TANC2: variants seen among roughly 807,000 people sequenced by gnomAD.
TANC2 encodes the protein protein TANC2.
TANC2 carries 26 observed loss-of-function variants against 210.5 expected under a neutral mutation model. The ratio of observed to expected loss-of-function variants is 0.12; its 90% confidence interval spans 0.09 to 0.17. The LOEUF (loss-of-function observed/expected upper bound fraction) is 0.17. TANC2 is among the 10% of genes least tolerant of loss of function. The pLI, the probability that TANC2 is intolerant of heterozygous loss-of-function variation, is 1.00. For synonymous variants in TANC2, 931 were observed against 967.1 expected (o/e 0.96, Z 0.69); for missense variants, 2,129 against 2,608.9 (o/e 0.82, Z 4.01).
intron 1 of TANC2, among the ~76,000 whole-genome samples, chr17:62,973,150 C>G (rs1395372524): frequency 6.6e-6 from 1 of 152,056 alleles, no homozygotes; most frequent in African/African-American, 2.4e-5. Context: ...CTGCCTCAGC[C>G]TCCTGAGTAG....
rs371281397 is a variant in TANC2 at position 63,063,674 on chromosome 17, T to TTGTGTGTGTGTGTGTGTGTG, written c.68-10263_68-10244dup. ...CAATATCACACTTTGTTACCCAGTA[T>TTGTGTGTGTGTGTGTGTGTG]TGTGTGTGTGTGTGTGTGTGTGTGT... On this transcript the variant is annotated intron_variant, in intron 2 of 27. Transcript: ENST00000689528. 3.5e-3 allele frequency among the ~76,000 whole-genome samples: 487 copies of TTGTGTGTGTGTGTGTGTGTG among 137,486 alleles called. 3 individuals are homozygous for TTGTGTGTGTGTGTGTGTGTG. The highest frequency in any genetic ancestry group is 0.015 in the South Asian group (61 of 4,194). 90.2% of individuals were successfully genotyped at this position (137,486 alleles called of 152,430 possible).
At chr17:63,398,011 G>A (rs560218823) in intron 18 of TANC2, among the ~76,000 whole-genome samples, 23 of 152,290 alleles carry the variant, frequency 1.5e-4, no homozygotes, top group African/African-American at 4.3e-4. Flanking sequence ...ATCTGTGGGA[G>A]GTTTTTGAAC....
chr17:63,216,897 A>T (rs1181154131), intron 7 of TANC2, among the ~76,000 whole-genome samples: 1 of 152,254 alleles, frequency 6.6e-6, no homozygotes, highest in Non-Finnish European at 1.5e-5. Context: ...CCACAGCATG[A>T]TTAAACTAGA....
At chr17:63,147,178 A>G (rs1461490625) in intron 4 of TANC2, among the ~76,000 whole-genome samples, 1 of 149,716 alleles carries the variant, frequency 6.7e-6, no homozygotes, top group African/African-American at 2.5e-5. Flanking sequence ...ACCAAAAAAA[A>G]AAGAAATAAC....
chr17:63,109,100 A>T (rs1380171663), intron 4 of TANC2, among the ~76,000 whole-genome samples: 1 of 151,666 alleles, frequency 6.6e-6, no homozygotes, highest in East Asian at 1.9e-4. Context: ...GTGGTACTCT[A>T]TGGAAAAGTC....
chr17:63,401,909 C>T (rs1307031452), intron 19 of TANC2, among the ~76,000 whole-genome samples: 1 of 152,180 alleles, frequency 6.6e-6, no homozygotes, highest in Non-Finnish European at 1.5e-5. Flanking sequence ...TCATCATTTG[C>T]CTAGATTATT....
intron 15 of TANC2, chr17:63,388,121 G>A (rs1000513431): frequency 6.6e-6 from 1 of 152,586 alleles, no homozygotes; most frequent in African/African-American, 2.4e-5. Flanking sequence ...AAAGTGTAGA[G>A]AAATATGCAG....
At chr17:63,106,240 A>G (rs2037818558) in intron 4 of TANC2, among the ~76,000 whole-genome samples, 1 of 151,742 alleles carries the variant, frequency 6.6e-6, no homozygotes, top group Non-Finnish European at 1.5e-5. Flanking sequence ...AATAATTTCA[A>G]TTATCATGAG....
At chr17:63,419,888 T>G in intron 27 of TANC2, 111 bp from the exon 28 acceptor site, 1 of 1,280,906 alleles carries the variant, frequency 7.8e-7, no homozygotes, top group Non-Finnish European at 1.0e-6. Flanking sequence ...TACCCCAGAC[T>G]CCCACAGACG....
chr17:63,370,645 T>TGAA (rs1317077379), intron 14 of TANC2, among the ~76,000 whole-genome samples: 1 of 152,226 alleles, frequency 6.6e-6, no homozygotes, highest in Non-Finnish European at 1.5e-5. Context: ...TTCACTCACA[T>TGAA]GAAGTCCAAA....
intron 17 of TANC2, chr17:63,390,742 A>C (rs763490480): frequency 6.6e-6 from 1 of 152,212 alleles, no homozygotes; most frequent in Non-Finnish European, 1.5e-5. Flanking sequence ...TAGGATTACA[A>C]GCATGAGCCA....
rs200427587 is a variant in TANC2, at chr17:63,007,750, A to C, written c.-23-1787A>C. On this transcript the variant is annotated intron_variant, in intron 1 of 27. Coordinates refer to ENST00000689528, the Ensembl canonical transcript of TANC2. ...TTTTTTATTGTTGTCATGCATTTTA[A>C]ATCTATATATTTTAAAGAACAGCCT... is the stretch of plus-strand genomic sequence containing the variant. Among the ~76,000 whole-genome samples, 5 of 152,042 alleles carry C rather than the reference A, an allele frequency of 3.3e-5. No homozygotes were observed. In the East Asian group the frequency reaches 9.6e-4, roughly 29 times the overall value.
At chr17:63,185,832 TTTAATTGGATTGTCTTTC>T (rs781636767) in intron 5 of TANC2, among the ~76,000 whole-genome samples, 9 of 152,240 alleles carry the variant, frequency 5.9e-5, no homozygotes, top group Non-Finnish European at 1.2e-4. Context: ...TTGTCTATTT[TTTAATTGGATTGTCTTTC>T]TTGTTGATTT....
intron 4 of TANC2, among the ~76,000 whole-genome samples, chr17:63,120,166 G>A (rs1178354865): frequency 6.6e-6 from 1 of 151,412 alleles, no homozygotes; most frequent in Non-Finnish European, 1.5e-5. Flanking sequence ...ATATCCTTTG[G>A]TATTTTTTTT....
chr17:63,241,480 C>CT (rs2042772350), intron 8 of TANC2, among the ~76,000 whole-genome samples: 1 of 152,182 alleles, frequency 6.6e-6, no homozygotes, highest in Non-Finnish European at 1.5e-5. Context: ...TTGGCACACT[C>CT]TATTTTTGTA....
intron 4 of TANC2, among the ~76,000 whole-genome samples, chr17:63,142,971 G>A (rs2039339721): frequency 6.6e-6 from 1 of 151,992 alleles, no homozygotes; most frequent in Non-Finnish European, 1.5e-5. Flanking sequence ...TTCTTCTTCT[G>A]TCTTACCCCC....
chr17:63,049,742 T>C (rs2035510736), intron 2 of TANC2, among the ~76,000 whole-genome samples: 1 of 152,118 alleles, frequency 6.6e-6, no homozygotes, highest in African/African-American at 2.4e-5. Flanking sequence ...GGTTGCAGTA[T>C]TGAGAATAGA....
At chr17:62,987,301 C>G (rs1364559503) in intron 1 of TANC2, among the ~76,000 whole-genome samples, 1 of 152,076 alleles carries the variant, frequency 6.6e-6, no homozygotes, top group Non-Finnish European at 1.5e-5. Flanking sequence ...AAAGATGGAG[C>G]CCCCGTGCTG....
intron 4 of TANC2, among the ~76,000 whole-genome samples, chr17:63,142,899 T>C (rs2145327158): frequency 6.6e-6 from 1 of 152,340 alleles, no homozygotes; most frequent in South Asian, 2.1e-4. Flanking sequence ...CTTTAAATTG[T>C]GTAGCCTATG....
Sources: gnomAD v4.1 joint callset for allele counts (sites outside exome capture counted in the v4.1 genomes callset) on GRCh38, gnomAD v4.1.1 for gene constraint, MANE v1.5 for transcripts, NCBI Gene and HGNC (gene_info 2026-07-23, HGNC 2026-07-21) for gene names.